Variants in SERAC1 observed in about 807,000 individuals in gnomAD.
SERAC1 encodes the protein serine active site containing 1.
A neutral mutation model predicts 85.7 loss-of-function variants in SERAC1; 36 were observed. The ratio of observed to expected loss-of-function variants is 0.42; its 90% CI spans 0.32 to 0.55. SERAC1 has a LOEUF of 0.55. SERAC1 is among the 20% of genes least tolerant of loss of function. The pLI, the probability that SERAC1 is intolerant of heterozygous loss-of-function variation, is 0.11. For missense variants in SERAC1, 629 were observed against 796.2 expected (o/e 0.79, Z 2.53); for synonymous variants, 242 against 265.3 (o/e 0.91, Z 0.85).
intron 1 of SERAC1, chr6:158,158,978 T>C (rs973445390): frequency 1.3e-5 from 2 of 152,260 alleles, no homozygotes; most frequent in Non-Finnish European, 2.9e-5. Flanking sequence ...GCTGCAATCA[T>C]TCCCAGAACA....
Position 158,117,802 on chromosome 6 carries a change from C to T in SERAC1, c.1328G>A (p.Cys443Tyr). ...CWPKTWLAKD[C>Y]PALRIISVEY... ...CACAGATATAATTCGGAGAGCAGGA[C>T]AGTCTTTTGCTAACCATGTCTAAGT... The change falls in exon 13 of 17, where the codon TGT (cysteine) becomes TAT (tyrosine). Residue 443 changes from cysteine to tyrosine, a missense_variant. By Grantham distance (194) the Cys-to-Tyr change is radical (BLOSUM62 -2). Transcript: ENST00000647468. This position sits in a 1 kb window ranked among gnomAD's most constrained non-coding sequence, Gnocchi z 4.3. The T allele has an allele frequency of 6.2e-7, 1 of 1,613,884 alleles. No homozygotes were observed. Among genetic ancestry groups the T allele is most frequent in the East Asian group, 2.2e-5 (1 of 44,880 alleles).
chr6:158,114,708 T>G, intron 15 of SERAC1, 81 bp downstream of exon 15: 1 of 1,593,528 alleles, frequency 6.3e-7, no homozygotes, highest in Non-Finnish European at 8.6e-7. Context: ...AGATAATACA[T>G]TCAAGGAAGA....
At chr6:158,136,643 G>C in intron 8 of SERAC1, among the ~76,000 whole-genome samples, 1 of 152,206 alleles carries the variant, frequency 6.6e-6, no homozygotes, top group Non-Finnish European at 1.5e-5. Context: ...TACAGGCATG[G>C]GCCACTGTGC....
rs1478873688 is a variant in SERAC1, at chr6:158,117,223, A to AACTG, written c.1403+500_1403+503dup. The AACTG allele has an allele frequency of 9.7e-6, 3 of 310,012 alleles. No individual in the cohort carries two copies. Among genetic ancestry groups the AACTG allele is most frequent in the Non-Finnish European group, 1.8e-5 (3 of 167,934 alleles). The allele number at this position is 310,012 out of a possible 1,614,324, so 19.2% of individuals were successfully genotyped here. ...GTAGACAAAGCTTCCCGGAAAAGTT[A>AACTG]ACTGACTGGTCTAAGACTGCACAGC... On this transcript the variant is annotated intron_variant, in intron 13 of 16. Coordinates refer to ENST00000647468, the MANE Select transcript of SERAC1 (RefSeq NM_032861.4). This position sits in a 1 kb window ranked among gnomAD's most constrained non-coding sequence, Gnocchi z 4.3.
intron 1 of SERAC1, chr6:158,160,955 T>G (rs1361188947): frequency 2.6e-5 from 4 of 152,204 alleles, no homozygotes; most frequent in Non-Finnish European, 4.4e-5. Flanking sequence ...ATCCACAACT[T>G]CCTCCTAGGT....
intron 14 of SERAC1, 39 bp downstream of exon 14, chr6:158,116,146 A>G (rs1422052452): frequency 6.5e-7 from 1 of 1,539,142 alleles, no homozygotes; most frequent in East Asian, 2.2e-5. Flanking sequence ...TGAAAATAAC[A>G]TCACAATGGC....
At chr6:158,121,989 A>T (rs1269225215) in intron 10 of SERAC1, among the ~76,000 whole-genome samples, 1 of 152,262 alleles carries the variant, frequency 6.6e-6, no homozygotes, top group Non-Finnish European at 1.5e-5. Context: ...ACACATAATA[A>T]TGTTTCAGTC....
intron 8 of SERAC1, among the ~76,000 whole-genome samples, chr6:158,140,128 A>T (rs768639797): frequency 1.3e-5 from 2 of 152,222 alleles, no homozygotes; most frequent in Non-Finnish European, 2.9e-5. Context: ...AGAAATACGT[A>T]TTTGGTCTCT....
chr6:158,133,101 G>A (rs532654866), intron 8 of SERAC1, among the ~76,000 whole-genome samples: 4 of 152,162 alleles, frequency 2.6e-5, no homozygotes, highest in South Asian at 2.1e-4. Flanking sequence ...GAGCCCAGGC[G>A]TTCAAGACCA....
Position 158,140,130 on chromosome 6 carries a change from T to C in SERAC1, c.738+2926A>G, listed in dbSNP as rs536395003. ...TTGAGATCTAATAAGAAATACGTAT[T>C]TGGTCTCTACCCCTGGTTCCCTCCA... On this transcript the variant is annotated intron_variant, in intron 8 of 16. Coordinates refer to ENST00000647468, the MANE Select transcript of SERAC1 (RefSeq NM_032861.4). 3.9e-5 allele frequency among the ~76,000 whole-genome samples: 6 copies of C among 152,304 alleles called. No individual in the cohort carries two copies. In the South Asian group the frequency reaches 1.2e-3, roughly 32 times the overall value.
chr6:158,113,739 G>A (rs1583555844), intron 15 of SERAC1, 147 bp from the exon 16 acceptor site: 3 of 720,120 alleles, frequency 4.2e-6, no homozygotes. Flanking sequence ...CCCCTGCCAA[G>A]AAGCCACTAA....
At chr6:158,164,332 G>A (rs1427015898) in intron 1 of SERAC1, among the ~76,000 whole-genome samples, 3 of 151,900 alleles carry the variant, frequency 2.0e-5, no homozygotes, top group African/African-American at 7.2e-5. Flanking sequence ...AAAATTAGCT[G>A]GGTGTGGTGG....
chr6:158,118,574 C>T (rs1326552384), intron 12 of SERAC1, among the ~76,000 whole-genome samples: 1 of 142,068 alleles, frequency 7.0e-6, no homozygotes, highest in East Asian at 2.0e-4. Context: ...GCTAGGATCG[C>T]ACCACTGCAC....
intron 4 of SERAC1, 61 bp downstream of exon 4, chr6:158,150,392 A>AT: frequency 7.4e-7 from 1 of 1,358,156 alleles, no homozygotes; most frequent in Non-Finnish European, 1.0e-6. Context: ...AAATAGACGC[A>AT]TTTTTAAATG....
chr6:158,129,698 T>C (rs1039226012), intron 9 of SERAC1, among the ~76,000 whole-genome samples: 4 of 121,584 alleles, frequency 3.3e-5, no homozygotes, highest in African/African-American at 1.4e-4. Flanking sequence ...TTTTTTTTGT[T>C]TTGTTTTTTT....
intron 5 of SERAC1, 120 bp from the exon 6 acceptor site, chr6:158,147,033 T>C: frequency 3.2e-6 from 3 of 929,642 alleles, no homozygotes; most frequent in Non-Finnish European, 4.8e-6. Context: ...TCCATATATA[T>C]AGGTATTGAT....
In SERAC1 at chr6:158,119,317, G is replaced by T; in HGVS notation, c.1167-147C>A. ...AAGCAAGCTCTATAAGCACAGGTTT[G>T]CTGGGAAAACCTAGAAGGAGCTTTG... On this transcript the variant is annotated intron_variant, in intron 11 of 16. Transcript: ENST00000647468. The surrounding 1 kb of genome is among the most constrained non-coding windows in gnomAD (Gnocchi z 4.5). 3 of 963,080 alleles carry T rather than the reference G, an allele frequency of 3.1e-6. No homozygotes were observed. Among genetic ancestry groups the T allele is most frequent in the South Asian group, 2.1e-5 (1 of 46,956 alleles). 59.7% of individuals were successfully genotyped at this position (963,080 alleles called of 1,614,324 possible). A position where few individuals can be genotyped will look rare whatever the true frequency, so the allele number is the denominator to read the frequency against.
intron 2 of SERAC1, among the ~76,000 whole-genome samples, chr6:158,155,583 C>T (rs1268064956): frequency 1.3e-5 from 2 of 152,148 alleles, no homozygotes; most frequent in Non-Finnish European, 2.9e-5. Context: ...TTTCATACCT[C>T]CCCTTTCTCC....
rs114875464 is a variant in SERAC1 at position 158,125,643 on chromosome 6, C to G, written c.1015+2465G>C. On this transcript the variant is annotated intron_variant, in intron 10 of 16. Transcript: ENST00000647468. Reference sequence around the variant, plus strand: ...ACTCGTGAGGCTAAGGTAGGAAGATCACTTGAGCCTAGGAGTTTGAGGACA... The same window carrying G: ...ACTCGTGAGGCTAAGGTAGGAAGATGACTTGAGCCTAGGAGTTTGAGGACA... 6.4e-3 allele frequency among the ~76,000 whole-genome samples: 977 copies of G among 152,226 alleles called. 10 individuals carry two copies. The highest frequency in any genetic ancestry group is 0.023 in the African/African-American group (937 of 41,540).
Sources: allele counts gnomAD v4.1 joint callset (sites outside exome capture counted in the v4.1 genomes callset), GRCh38; gene constraint gnomAD v4.1.1; non-coding constraint Gnocchi (gnomAD v3.1); transcripts MANE v1.5; gene names NCBI Gene and HGNC (gene_info 2026-07-23, HGNC 2026-07-21).